HIVEP3: variants seen among roughly 807,000 people sequenced by gnomAD.
The protein encoded by HIVEP3 is HIVEP zinc finger 3.
Under a neutral mutation model 152.8 loss-of-function variants are expected in HIVEP3, and 49 were observed. That is an observed-to-expected ratio of 0.32 (90% CI 0.26 to 0.41). The LOEUF (loss-of-function observed/expected upper bound fraction) is 0.41. HIVEP3 is among the 10% of genes least tolerant of loss of function. HIVEP3 has a pLI of 1.00. For synonymous variants in HIVEP3, 1,269 were observed against 1,289.0 expected (o/e 0.98, Z 0.33); for missense variants, 2,790 against 3,103.3 (o/e 0.90, Z 2.40).
At chr1:41,911,020 T>C (rs529742293) in intron 1 of HIVEP3, among the ~76,000 whole-genome samples, 6 of 152,214 alleles carry the variant, frequency 3.9e-5, no homozygotes, top group African/African-American at 1.2e-4. Flanking sequence ...TTTTATTACA[T>C]TGAAATTAAG....
intron 1 of HIVEP3, among the ~76,000 whole-genome samples, chr1:41,714,857 C>T (rs371178495): frequency 1.3e-5 from 2 of 152,106 alleles, no homozygotes; most frequent in African/African-American, 4.8e-5. Flanking sequence ...CACTGGCAAC[C>T]CAATTTTAAG....
At chr1:41,990,142 G>T (rs12741820) in intron 1 of HIVEP3, among the ~76,000 whole-genome samples, 30,901 of 104,020 alleles carry the variant, frequency 0.3, 5,636 homozygotes, top group East Asian at 0.5. Flanking sequence ...CTCAGCATTT[G>T]CTTGTCTGTA....
chr1:41,545,596 C>CCAT (rs1643762869), intron 5 of HIVEP3, among the ~76,000 whole-genome samples: 1 of 137,710 alleles, frequency 7.3e-6, no homozygotes, highest in Non-Finnish European at 1.6e-5. Flanking sequence ...ACCATCACCA[C>CCAT]CACCACCACC....
Position 41,513,602 on chromosome 1 carries a change from C to T in HIVEP3, c.5619G>A (p.Glu1873=), listed in dbSNP as rs762197528. ...GCGCCTCTGAGGATGGTCTGGACAG[C>T]TCATCCTGGCTCTCCTCCTCATCCT... ...EDEDEEESQD[E]LSRPSSEAPP... Residue 1873 remains glutamate, a synonymous_variant, in exon 8 of 9, where the codon GAG becomes GAA. Transcript: ENST00000372583. 1.6e-5 allele frequency: 26 copies of T among 1,613,734 alleles called. 1 individual carries two copies. In the South Asian group the frequency reaches 1.9e-4, roughly 12 times the overall value.
At chr1:41,671,932 A>G (rs1645883546) in intron 2 of HIVEP3, among the ~76,000 whole-genome samples, 1 of 152,170 alleles carries the variant, frequency 6.6e-6, no homozygotes, top group Non-Finnish European at 1.5e-5. Flanking sequence ...AAGTTGGAGA[A>G]TGGCCTGAAG....
chr1:41,521,203 T>A (rs10890087), intron 6 of HIVEP3, among the ~76,000 whole-genome samples: 1 of 151,936 alleles, frequency 6.6e-6, no homozygotes, highest in Admixed American at 6.5e-5. Context: ...ACAAGTAGAG[T>A]GGCAGCAGAG....
At chr1:41,895,818 G>A (rs1183863406) in intron 1 of HIVEP3, among the ~76,000 whole-genome samples, 1 of 152,138 alleles carries the variant, frequency 6.6e-6, no homozygotes, top group African/African-American at 2.4e-5. Context: ...TTAGGAGAAT[G>A]AGAACACGGC....
At chr1:41,766,825 C>T (rs893635288) in intron 1 of HIVEP3, among the ~76,000 whole-genome samples, 1 of 152,222 alleles carries the variant, frequency 6.6e-6, no homozygotes, top group Non-Finnish European at 1.5e-5. Flanking sequence ...ACACTCTCAG[C>T]CTTGTGGAAG....
Position 41,513,758 on chromosome 1 carries a change from C to G in HIVEP3, c.5471-8G>C, listed in dbSNP as rs200546041. On this transcript the variant is annotated splice_polypyrimidine_tract_variant and splice_region_variant and intron_variant, in intron 7 of 8. Coordinates refer to ENST00000372583, the MANE Select transcript of HIVEP3 (RefSeq NM_024503.5). The stretch of plus-strand genomic sequence containing the variant: ...ACAGGTCGTCACTGGTTCCTGAGGG[C>G]AAACACAGAAGACCCAAGGTCACAG... 132 of 1,543,040 alleles carry G rather than the reference C, an allele frequency of 8.6e-5. No homozygotes were observed. Among genetic ancestry groups the G allele is most frequent in the Non-Finnish European group, 1.1e-4 (126 of 1,145,202 alleles).
chr1:41,571,279 G>A (rs749171171), intron 5 of HIVEP3, among the ~76,000 whole-genome samples: 3 of 152,176 alleles, frequency 2.0e-5, no homozygotes, highest in Non-Finnish European at 4.4e-5. Context: ...AGCTTTCCTT[G>A]CAATAAGTGA....
intron 1 of HIVEP3, among the ~76,000 whole-genome samples, chr1:41,965,891 T>C (rs1345727262): frequency 6.6e-6 from 1 of 151,974 alleles, no homozygotes; most frequent in African/African-American, 2.4e-5. Flanking sequence ...TCCAGTAAAA[T>C]ACTCCATGAG....
At chr1:41,693,919 T>C (rs1295764182) in intron 2 of HIVEP3, among the ~76,000 whole-genome samples, 1 of 152,222 alleles carries the variant, frequency 6.6e-6, no homozygotes, top group Non-Finnish European at 1.5e-5. Context: ...TAATTATCAA[T>C]GCCATGCATT....
At chr1:41,525,672 G>A (rs1456181912) in intron 5 of HIVEP3, among the ~76,000 whole-genome samples, 1 of 152,200 alleles carries the variant, frequency 6.6e-6, no homozygotes, top group Non-Finnish European at 1.5e-5. Context: ...ATCGCTTGGG[G>A]TTCTATCTGG....
chr1:41,543,644 G>C (rs752541218), intron 5 of HIVEP3: 11 of 152,200 alleles, frequency 7.2e-5, no homozygotes, highest in Non-Finnish European at 1.0e-4. Flanking sequence ...TCCTTATTTA[G>C]GTCCTTCCTG....
chr1:41,888,399 T>C (rs2993122), intron 1 of HIVEP3, among the ~76,000 whole-genome samples: 14,213 of 151,800 alleles, frequency 0.094, 982 homozygotes, highest in East Asian at 0.23. Context: ...ATCTAAGCCC[T>C]TCTTCTCAAG....
intron 1 of HIVEP3, among the ~76,000 whole-genome samples, chr1:42,017,724 C>A (rs1383069545): frequency 6.6e-6 from 1 of 152,036 alleles, no homozygotes; most frequent in African/African-American, 2.4e-5. Flanking sequence ...ATGCTATGTA[C>A]CTTCTTATAT....
intron 2 of HIVEP3, among the ~76,000 whole-genome samples, chr1:41,643,663 C>T (rs979774318): frequency 2.0e-5 from 3 of 152,156 alleles, no homozygotes; most frequent in African/African-American, 4.8e-5. Flanking sequence ...GCTCCCAGAA[C>T]CCCTGATGGC....
intron 5 of HIVEP3, among the ~76,000 whole-genome samples, chr1:41,537,425 C>G (rs1229968442): frequency 6.6e-6 from 1 of 152,192 alleles, no homozygotes; most frequent in East Asian, 1.9e-4. Flanking sequence ...TGCTCTGAGA[C>G]CCACTTTGGC....
At chr1:41,710,363 AC>A (rs1275634396) in intron 1 of HIVEP3, among the ~76,000 whole-genome samples, 1 of 152,160 alleles carries the variant, frequency 6.6e-6, no homozygotes, top group Non-Finnish European at 1.5e-5. Flanking sequence ...CTGCTGTGTG[AC>A]CCAGGGCAGC....
Sources: allele counts gnomAD v4.1 joint callset (sites outside exome capture counted in the v4.1 genomes callset), GRCh38; gene constraint gnomAD v4.1.1; transcripts MANE v1.5; gene names NCBI Gene and HGNC (gene_info 2026-07-23, HGNC 2026-07-21).